MEI1: variants seen among roughly 807,000 people sequenced by gnomAD.
MEI1 encodes meiosis inhibitor protein 1.
MEI1 carries 103 observed loss-of-function variants against 146.2 expected under a neutral mutation model. That is an observed-to-expected ratio of 0.70 (90% CI 0.60 to 0.83). The LOEUF (loss-of-function observed/expected upper bound fraction) is 0.83. MEI1 is among the 40% of genes least tolerant of loss of function. MEI1 has a pLI of 0.00. For synonymous variants in MEI1, 652 were observed against 628.2 expected, an observed-to-expected ratio of 1.04 and a Z score of -0.57; for missense variants, 1,529 against 1,533.0, an observed-to-expected ratio of 1.00 and a Z score of 0.04.
intron 11 of MEI1, among the ~76,000 whole-genome samples, chr22:41,737,344 C>A (rs2072464240): frequency 6.6e-6 from 1 of 150,678 alleles, no homozygotes; most frequent in Admixed American, 6.6e-5. Flanking sequence ...TCACGCCATT[C>A]TCCTGCCTCA....
At chr22:41,700,829 T>TA (rs1323549616) in intron 1 of MEI1, among the ~76,000 whole-genome samples, 2 of 149,390 alleles carry the variant, frequency 1.3e-5, no homozygotes, top group Non-Finnish European at 3.0e-5. Context: ...CTTGAACTCC[T>TA]AGTCTCAAGC....
chr22:41,734,963 A>T (rs886857928), intron 11 of MEI1, among the ~76,000 whole-genome samples: 1 of 143,610 alleles, frequency 7.0e-6, no homozygotes, highest in Non-Finnish European at 1.5e-5. Context: ...TTTTTATTGT[A>T]TTTTTTTCTT....
chr22:41,735,156 G>C (rs1032180215), intron 11 of MEI1, among the ~76,000 whole-genome samples: 5 of 149,686 alleles, frequency 3.3e-5, no homozygotes, highest in Admixed American at 6.7e-5. Context: ...TAGAGACGGG[G>C]TTTCACTGTG....
At chr22:41,765,883 C>G (rs201613568) in intron 19 of MEI1, among the ~76,000 whole-genome samples, 2 of 86,134 alleles carry the variant, frequency 2.3e-5, no homozygotes, top group African/African-American at 9.4e-5. Flanking sequence ...CCAAAATGTT[C>G]TTTTTTTTTT....
At chr22:41,709,942 G>A (rs1181413462) in intron 3 of MEI1, among the ~76,000 whole-genome samples, 1 of 152,028 alleles carries the variant, frequency 6.6e-6, no homozygotes, top group African/African-American at 2.4e-5. Context: ...TTGCAGGATA[G>A]GATATGTTGT....
chr22:41,711,472 G>A (rs1181206356), intron 3 of MEI1, among the ~76,000 whole-genome samples: 6 of 152,158 alleles, frequency 3.9e-5, no homozygotes, highest in Non-Finnish European at 8.8e-5. Flanking sequence ...CCCTTGAGTG[G>A]GGCTACAATC....
At chr22:41,735,872 C>G (rs2072318149) in intron 11 of MEI1, among the ~76,000 whole-genome samples, 1 of 152,194 alleles carries the variant, frequency 6.6e-6, no homozygotes, top group Non-Finnish European at 1.5e-5. Flanking sequence ...GCTTCAGCTA[C>G]TAGCTATATG....
At chr22:41,748,995 G>A (rs985132476) in intron 15 of MEI1, among the ~76,000 whole-genome samples, 15 of 151,812 alleles carry the variant, frequency 9.9e-5, no homozygotes, top group Non-Finnish European at 7.4e-5. Context: ...TAGTAGAGAC[G>A]GGGTTTCACC....
At chr22:41,713,885 T>G (rs1342397670) in intron 3 of MEI1, 117 bp from the exon 4 acceptor site, 12 of 784,900 alleles carry the variant, frequency 1.5e-5, no homozygotes, top group Non-Finnish European at 2.5e-5. Context: ...TAGAAAAGTA[T>G]AATACCAATT....
In MEI1 at chr22:41,795,710, C is replaced by T; in HGVS notation, c.3667-25C>T. 1 of 1,608,192 alleles carries T rather than the reference C, an allele frequency of 6.2e-7. No individual in the cohort carries two copies. The highest frequency in any genetic ancestry group is 8.5e-7 in the Non-Finnish European group (1 of 1,176,338). On this transcript the variant is annotated intron_variant, in intron 29 of 30. Coordinates refer to ENST00000401548, the MANE Select transcript of MEI1 (RefSeq NM_152513.4). The surrounding 1 kb of genome is among the most constrained non-coding windows in gnomAD (Gnocchi z 4.2). ...TGGAATGGGCACTGAGGAGGCCTGTCTTCCCTGCCCTCTTCTCCCTGCAGC... is the reference window on the plus strand; with the variant it reads ...TGGAATGGGCACTGAGGAGGCCTGTTTTCCCTGCCCTCTTCTCCCTGCAGC...
In MEI1 at chr22:41,796,341, C is replaced by T. The variant is rs6002489; in HGVS notation, c.3779+494C>T. Among the ~76,000 whole-genome samples the T allele has an allele frequency of 1.4e-3, 192 of 140,914 alleles. 2 individuals carry two copies. The highest frequency in any genetic ancestry group is 5.1e-3 in the African/African-American group (187 of 36,520). The allele number at this position is 140,914 out of a possible 152,430, so 92.4% of individuals were successfully genotyped here. A position where few individuals can be genotyped will look rare whatever the true frequency, so the allele number is the denominator to read the frequency against. ...TAGCTGGGACTACAGGTGCCTGCCACCACGCCCAGGTTTTTTTTTTTTTTT... is the reference window on the plus strand; with the variant it reads ...TAGCTGGGACTACAGGTGCCTGCCATCACGCCCAGGTTTTTTTTTTTTTTT... On this transcript the variant is annotated intron_variant, in intron 30 of 30. Transcript: ENST00000401548.
In MEI1 at chr22:41,781,276, T is replaced by C. The variant is rs773346118; in HGVS notation, c.2816-8T>C. The C allele has an allele frequency of 1.3e-5, 21 of 1,605,114 alleles. No homozygotes were observed. Among genetic ancestry groups the C allele is most frequent in the Middle Eastern group, 3.4e-4 (2 of 5,878 alleles). On this transcript the variant is annotated splice_region_variant and splice_polypyrimidine_tract_variant and intron_variant, in intron 22 of 30. Transcript: ENST00000401548. ...GACAGGCCGACTGGGGACTTTCATC[T>C]CTTGCAGTAAGCAAGCTGTGTGGGA...
intron 22 of MEI1, 62 bp downstream of exon 22, chr22:41,778,874 CTAAG>C: frequency 8.6e-7 from 1 of 1,165,160 alleles, no homozygotes; most frequent in Non-Finnish European, 1.3e-6. Flanking sequence ...TGGGTGCTCA[CTAAG>C]TAGGCTGGTG....
intron 3 of MEI1, among the ~76,000 whole-genome samples, chr22:41,708,885 G>C (rs1050290871): frequency 6.6e-6 from 1 of 152,172 alleles, no homozygotes; most frequent in South Asian, 2.1e-4. Flanking sequence ...AAGGTAGAGA[G>C]GGAGAAGAGG....
chr22:41,766,149 A>G (rs1354675668), intron 19 of MEI1, among the ~76,000 whole-genome samples: 2 of 151,716 alleles, frequency 1.3e-5, no homozygotes, highest in East Asian at 1.9e-4. Context: ...TGCTGGGATT[A>G]CAGGCATGAG....
Position 41,776,135 on chromosome 22 carries a change from C to T in MEI1, c.2578C>T (p.His860Tyr). ...LIYSSPVDTA[H>Y]KVLISLRTFL... ...CTATTCCAGCCCAGTGGACACAGCT[C>T]ACAAGGTACTGATTAGCCTGAGGAC... The change falls in exon 21 of 31, where the codon CAC (histidine) becomes TAC (tyrosine). Residue 860 changes from histidine to tyrosine, a missense_variant. Physicochemically the swap from His to Tyr is moderately conservative, Grantham distance 83. Around this residue, in one of 3 missense-constraint regions of MEI1, gnomAD observed 1,212 missense variants for 1,178.9 expected, o/e 1.03. Transcript: ENST00000401548. The T allele has an allele frequency of 1.2e-6, 2 of 1,613,958 alleles. No individual in the cohort carries two copies. The highest frequency in any genetic ancestry group is 1.7e-6 in the Non-Finnish European group (2 of 1,179,874).
Position 41,744,975 on chromosome 22 carries a change from C to T in MEI1, c.1449C>T (p.Gly483=). The T allele has an allele frequency of 6.5e-7, 1 of 1,545,134 alleles. No individual in the cohort carries two copies. The highest frequency in any genetic ancestry group is 8.7e-7 in the Non-Finnish European group (1 of 1,143,414). Residue 483 remains glycine (G), a splice_region_variant and synonymous_variant, in exon 13 of 31, where the codon GGC becomes GGT. Transcript: ENST00000401548. ...CCTGTCTCTCCTTCCCACCTCAGGG[C>T]CATGCCTCCAGTAGAGATTCAGAGA... ...SQTLLSRRPL[G]HASSRDSEKA...
At chr22:41,712,603 T>G in intron 3 of MEI1, among the ~76,000 whole-genome samples, 1 of 151,798 alleles carries the variant, frequency 6.6e-6, no homozygotes, top group East Asian at 1.9e-4. Flanking sequence ...CACTAGAATT[T>G]TATATTTAGA....
intron 3 of MEI1, among the ~76,000 whole-genome samples, chr22:41,707,077 C>T (rs182880412): frequency 6.6e-6 from 1 of 151,544 alleles, no homozygotes; most frequent in Admixed American, 6.6e-5. Context: ...GTGGCGGGCA[C>T]CTGTAATCCC....
Sources: gnomAD v4.1 joint callset for allele counts (sites outside exome capture counted in the v4.1 genomes callset) on GRCh38, gnomAD v4.1.1 for gene constraint, gnomAD v4.1.1 regional missense constraint, Gnocchi (gnomAD v3.1) non-coding constraint, MANE v1.5 for transcripts, NCBI Gene and HGNC (gene_info 2026-07-23, HGNC 2026-07-21) for gene names.